Variants in SDHAF4 observed in about 807,000 individuals in gnomAD.
SDHAF4 encodes succinate dehydrogenase complex assembly factor 4.
A neutral mutation model predicts 14.3 loss-of-function variants in SDHAF4; 14 were observed. The ratio of observed to expected loss-of-function variants is 0.98; its 90% confidence interval spans 0.65 to 1.53. The LOEUF is 1.53. Ranked by LOEUF, SDHAF4 falls within the 40% of genes most tolerant of loss-of-function variation. SDHAF4 has a pLI of 0.00. For missense variants in SDHAF4, 141 were observed against 129.3 expected (o/e 1.09, Z -0.44); for synonymous variants, 63 against 47.3 (o/e 1.33, Z -1.36).
chr6:70,572,464 A>G (rs1385450756), intron 1 of SDHAF4, among the ~76,000 whole-genome samples: 1 of 152,196 alleles, frequency 6.6e-6, no homozygotes, highest in African/African-American at 2.4e-5. Context: ...TATGTGAGTT[A>G]AGGCATATAT....
intron 1 of SDHAF4, among the ~76,000 whole-genome samples, chr6:70,569,336 T>C (rs1802149924): frequency 6.6e-6 from 1 of 151,918 alleles, no homozygotes. Flanking sequence ...TGGCGAGATC[T>C]CAGCTCACTG....
intron 2 of SDHAF4, among the ~76,000 whole-genome samples, chr6:70,588,290 G>A (rs1056049430): frequency 1.3e-5 from 2 of 152,334 alleles, no homozygotes; most frequent in African/African-American, 4.8e-5. Flanking sequence ...GGAGGCCGAG[G>A]CAGGCAGAAC....
downstream of SDHAF4, among the ~76,000 whole-genome samples, chr6:70,592,120 T>G (rs1765263010): frequency 1.3e-5 from 2 of 152,244 alleles, no homozygotes; most frequent in South Asian, 4.1e-4. Context: ...CCTTGGACTT[T>G]CTAGCCTCCA....
intron 2 of SDHAF4, among the ~76,000 whole-genome samples, chr6:70,584,200 A>G (rs2128535778): frequency 6.6e-6 from 1 of 152,154 alleles, no homozygotes; most frequent in South Asian, 2.1e-4. Flanking sequence ...TATTTTTAGT[A>G]GAGATGGGGT....
At chr6:70,571,462 A>T (rs1802177018) in intron 1 of SDHAF4, among the ~76,000 whole-genome samples, 1 of 152,054 alleles carries the variant, frequency 6.6e-6, no homozygotes, top group African/African-American at 2.4e-5. Context: ...TTACAGGCAC[A>T]CGCCACCACT....
downstream of SDHAF4, among the ~76,000 whole-genome samples, chr6:70,591,334 A>ATTTTTTTTT (rs76350573): frequency 3.0e-5 from 3 of 101,232 alleles, no homozygotes; most frequent in Admixed American, 9.9e-5. Flanking sequence ...GAGAGGAAAG[A>ATTTTTTTTT]TTTTTTTTTT....
At chr6:70,586,697 CA>C in intron 2 of SDHAF4, among the ~76,000 whole-genome samples, 1 of 151,808 alleles carries the variant, frequency 6.6e-6, no homozygotes, top group East Asian at 1.9e-4. Context: ...ATAAAACACA[CA>C]AAAAAATTAT....
At chr6:70,578,479 T>C (rs993455328) in intron 1 of SDHAF4, among the ~76,000 whole-genome samples, 8 of 152,260 alleles carry the variant, frequency 5.3e-5, no homozygotes, top group African/African-American at 1.9e-4. Flanking sequence ...GAGACTTTTC[T>C]CAGATGTGTA....
chr6:70,572,058 CTTTTTTTTT>C (rs66688860), intron 1 of SDHAF4, among the ~76,000 whole-genome samples: 3 of 53,510 alleles, frequency 5.6e-5, no homozygotes, highest in African/African-American at 8.2e-5. Flanking sequence ...CTTTTTTTGT[CTTTTTTTTT>C]TTTTTTTTTT....
At chr6:70,585,728 T>C (rs892347878) in intron 2 of SDHAF4, among the ~76,000 whole-genome samples, 7 of 152,164 alleles carry the variant, frequency 4.6e-5, no homozygotes, top group Non-Finnish European at 1.0e-4. Context: ...GAAAACAGAA[T>C]GCTGATGAGT....
chr6:70,596,064 A>G, the SDHAF4 span, among the ~76,000 whole-genome samples: 1 of 152,196 alleles, frequency 6.6e-6, no homozygotes, highest in African/African-American at 2.4e-5. Context: ...ATATATAGGT[A>G]AAATTTGGTG....
the SDHAF4 span, among the ~76,000 whole-genome samples, chr6:70,597,686 G>A: frequency 2.6e-5 from 4 of 152,086 alleles, no homozygotes. Flanking sequence ...CAGAGACCTG[G>A]ATTTTCAGCT....
chr6:70,598,395 A>G, the SDHAF4 span, among the ~76,000 whole-genome samples: 1 of 152,210 alleles, frequency 6.6e-6, no homozygotes, highest in Non-Finnish European at 1.5e-5. Flanking sequence ...ATAAAAATAA[A>G]GGAAAAATAA....
chr6:70,574,250 G>T (rs1197935601), intron 1 of SDHAF4, among the ~76,000 whole-genome samples: 2 of 151,940 alleles, frequency 1.3e-5, no homozygotes, highest in Non-Finnish European at 2.9e-5. Flanking sequence ...ATCCCGGGAG[G>T]TGGAGGTTGC....
chr6:70,576,785 T>A (rs188735450), intron 1 of SDHAF4, among the ~76,000 whole-genome samples: 1 of 152,340 alleles, frequency 6.6e-6, no homozygotes, highest in East Asian at 1.9e-4. Flanking sequence ...CTCAGCAATC[T>A]CATGTGACAG....
chr6:70,586,428 C>CTTTTT lies in SDHAF4; in HGVS notation c.218-2168_218-2164dup, dbSNP rs70990316. Among the ~76,000 whole-genome samples the CTTTTT allele has an allele frequency of 9.0e-4, 72 of 80,312 alleles. 1 individual carries two copies. The highest frequency in any genetic ancestry group is 1.2e-3 in the Non-Finnish European group (51 of 40,834). 52.7% of individuals were successfully genotyped at this position (80,312 alleles called of 152,430 possible). A position where few individuals can be genotyped will look rare whatever the true frequency, so the allele number is the denominator to read the frequency against. On this transcript the variant is annotated intron_variant, in intron 2 of 2. Coordinates refer to ENST00000370474, the MANE Select transcript of SDHAF4 (RefSeq NM_145267.3). ...GTTATTCTTGTATGTATTTGTTTGC[C>CTTTTT]TTTTTTTTTTTTTTTTTTTTTTTGG...
At chr6:70,597,723 A>G in the SDHAF4 span, among the ~76,000 whole-genome samples, 1 of 152,142 alleles carries the variant, frequency 6.6e-6, no homozygotes, top group Non-Finnish European at 1.5e-5. Flanking sequence ...GCTCTGTGGG[A>G]TATTTATTAA....
chr6:70,583,889 T>C (rs2128535728), intron 2 of SDHAF4, among the ~76,000 whole-genome samples: 1 of 152,220 alleles, frequency 6.6e-6, no homozygotes, highest in Admixed American at 6.5e-5. Flanking sequence ...CAGGTTACAG[T>C]GTAAGGGCTT....
rs747570608 is a variant in SDHAF4, at chr6:70,579,608, G to A, written c.217+42G>A. On this transcript the variant is annotated intron_variant, in intron 2 of 2. Coordinates refer to ENST00000370474, the MANE Select transcript of SDHAF4 (RefSeq NM_145267.3). ...ACCTCTCAGTTTTTGAAGTATCAAG[G>A]AAAGTGTTTTAGTTATTGAGAAAAT... 2.0e-6 allele frequency: 3 copies of A among 1,510,538 alleles called. 1 individual carries two copies. Among genetic ancestry groups the A allele is most frequent in the African/African-American group, 2.8e-5 (2 of 70,702 alleles). 93.6% of individuals were successfully genotyped at this position (1,510,538 alleles called of 1,614,324 possible).
Sources: gnomAD v4.1 joint callset for allele counts (sites outside exome capture counted in the v4.1 genomes callset) on GRCh38, gnomAD v4.1.1 for gene constraint, MANE v1.5 for transcripts, NCBI Gene and HGNC (gene_info 2026-07-23, HGNC 2026-07-21) for gene names.